The following ETV1 variants were observed in gnomAD, a reference collection of about 807,000 sequenced individuals.
ETV1 encodes the protein ETS translocation variant 1.
ETV1 carries 27 observed loss-of-function variants against 62.3 expected under a neutral mutation model. The observed-to-expected ratio is 0.43, with a 90% CI of 0.32 to 0.60. The LOEUF (loss-of-function observed/expected upper bound fraction) is 0.60, where lower values mean the gene tolerates loss of function less well. ETV1 is among the 20% of genes least tolerant of loss of function. The pLI is 0.06. For synonymous variants in ETV1, 222 were observed against 199.6 expected (o/e 1.11, Z -0.94); for missense variants, 605 against 605.8 (o/e 1.00, Z 0.01).
At chr7:13,910,349 T>C (rs758716136) in intron 10 of ETV1, among the ~76,000 whole-genome samples, 1 of 151,912 alleles carries the variant, frequency 6.6e-6, no homozygotes, top group Non-Finnish European at 1.5e-5. Flanking sequence ...TCGTTGTTGC[T>C]ATCTGTGATT....
At chr7:13,913,857 T>C (rs2128423496) in intron 9 of ETV1, among the ~76,000 whole-genome samples, 1 of 151,316 alleles carries the variant, frequency 6.6e-6, no homozygotes, top group African/African-American at 2.4e-5. Context: ...CAGTAGATGC[T>C]TTAACTATTT....
At chr7:13,903,644 T>G (rs1424311547) in intron 12 of ETV1, among the ~76,000 whole-genome samples, 2 of 150,680 alleles carry the variant, frequency 1.3e-5, no homozygotes, top group Non-Finnish European at 2.9e-5. Context: ...ACACCTGAAG[T>G]CCCAGCTACT....
chr7:13,917,217 T>C (rs1444229534), intron 9 of ETV1, among the ~76,000 whole-genome samples: 2 of 152,158 alleles, frequency 1.3e-5, no homozygotes, highest in Non-Finnish European at 2.9e-5. Flanking sequence ...AAGCCTGTGA[T>C]AGTCTTACTA....
chr7:13,918,182 T>C (rs1784404651), intron 9 of ETV1, among the ~76,000 whole-genome samples: 1 of 137,752 alleles, frequency 7.3e-6, no homozygotes, highest in Non-Finnish European at 1.6e-5. Context: ...TTCAGATAAC[T>C]TTTTCTATTT....
In ETV1 at chr7:13,925,846, G is replaced by A. The variant is rs531434852; in HGVS notation, c.802+5656C>T. Among the ~76,000 whole-genome samples the A allele has an allele frequency of 5.9e-5, 9 of 151,882 alleles. No homozygotes were observed. In the South Asian group the frequency reaches 1.2e-3, roughly 21 times the overall value. ...GCTGGGATTACAGGCATGAGCCACC[G>A]CGCCTGGCCCGACTGATTTTTTTTT... is the stretch of plus-strand genomic sequence containing the variant. On this transcript the variant is annotated intron_variant, in intron 9 of 13. Transcript: ENST00000430479.
chr7:13,966,354 C>T (rs1307639687), intron 6 of ETV1, among the ~76,000 whole-genome samples: 6 of 151,962 alleles, frequency 3.9e-5, no homozygotes, highest in Non-Finnish European at 5.9e-5. Context: ...AAATTAAGTC[C>T]GGGTGTGGTG....
At chr7:13,900,698 C>A in intron 13 of ETV1, 40 bp downstream of exon 13, 1 of 1,355,282 alleles carries the variant, frequency 7.4e-7, no homozygotes. Context: ...GATTAATGTG[C>A]AACATTTCAA....
chr7:13,950,501 G>A (rs1330111465), intron 6 of ETV1, among the ~76,000 whole-genome samples: 1 of 152,144 alleles, frequency 6.6e-6, no homozygotes, highest in East Asian at 1.9e-4. Context: ...CCCCGGAAGT[G>A]ATCAGGTGTC....
chr7:13,968,230 A>G (rs1780507299), intron 6 of ETV1, among the ~76,000 whole-genome samples: 1 of 151,952 alleles, frequency 6.6e-6, no homozygotes, highest in African/African-American at 2.4e-5. Flanking sequence ...AATTTCTACA[A>G]TATATTGTTA....
At chr7:13,980,705 C>T (rs1781893599) in intron 5 of ETV1, among the ~76,000 whole-genome samples, 1 of 152,034 alleles carries the variant, frequency 6.6e-6, no homozygotes, top group Non-Finnish European at 1.5e-5. Flanking sequence ...GCCATCAAGT[C>T]TCAGGATGTC....
Position 13,986,665 on chromosome 7 carries a change from G to T in ETV1, c.154C>A (p.Gln52Lys). ...DSEELFQDLSQLQETWLAEAQ... is the reference protein window; with the variant it reads ...DSEELFQDLSKLQETWLAEAQ... Reference sequence around the variant, plus strand: ...TCTGCAAGCCATGTTTCCTGTAATTGACTTAGATCTTGAAAGAGTTCTAAA... The same window carrying T: ...TCTGCAAGCCATGTTTCCTGTAATTTACTTAGATCTTGAAAGAGTTCTAAA... Residue 52 changes from glutamine (Q) to lysine (K), a missense_variant, in exon 5 of 14, where the codon CAA becomes AAA. Transcript: ENST00000430479. 6.2e-7 allele frequency: 1 copy of T among 1,611,404 alleles called. No individual in the cohort carries two copies. Among genetic ancestry groups the T allele is most frequent in the South Asian group, 1.1e-5 (1 of 90,376 alleles).
intron 7 of ETV1, among the ~76,000 whole-genome samples, chr7:13,936,325 T>A (rs1205622392): frequency 6.6e-6 from 1 of 152,212 alleles, no homozygotes; most frequent in Non-Finnish European, 1.5e-5. Context: ...TAACATCAGC[T>A]TAATAAGGCA....
chr7:13,936,817 G>T (rs2128457077), intron 7 of ETV1, among the ~76,000 whole-genome samples: 1 of 152,178 alleles, frequency 6.6e-6, no homozygotes. Flanking sequence ...GAGGTGGGAG[G>T]ATCGCTTAAG....
chr7:13,902,626 C>T (rs1349778595), intron 12 of ETV1, among the ~76,000 whole-genome samples: 2 of 152,032 alleles, frequency 1.3e-5, no homozygotes, highest in African/African-American at 2.4e-5. Context: ...GGCATAGCAG[C>T]CGAACTATAT....
chr7:13,945,455 T>C (rs76699868), intron 6 of ETV1, among the ~76,000 whole-genome samples: 1 of 149,626 alleles, frequency 6.7e-6, no homozygotes, highest in Non-Finnish European at 1.5e-5. Flanking sequence ...TTTTTTTTTT[T>C]CTAATCATAA....
intron 9 of ETV1, among the ~76,000 whole-genome samples, chr7:13,914,506 G>A (rs1214805489): frequency 5.9e-5 from 9 of 151,320 alleles, no homozygotes; most frequent in African/African-American, 1.9e-4. Context: ...TCAATGTAGC[G>A]GAAGTTAAGA....
intron 12 of ETV1, among the ~76,000 whole-genome samples, chr7:13,903,679 C>T (rs1782667480): frequency 6.7e-6 from 1 of 150,104 alleles, no homozygotes; most frequent in African/African-American, 2.5e-5. Context: ...AGGAGAATCA[C>T]TTGAACCCGG....
intron 6 of ETV1, among the ~76,000 whole-genome samples, chr7:13,965,219 T>C (rs1182624537): frequency 1.3e-5 from 2 of 152,140 alleles, no homozygotes; most frequent in East Asian, 1.9e-4. Flanking sequence ...GAGAAAATAT[T>C]TGAGGCAGAG....
chr7:13,986,277 C>T, intron 5 of ETV1: 1 of 1,511,496 alleles, frequency 6.6e-7, no homozygotes, highest in Non-Finnish European at 8.8e-7. Context: ...AAACAGCAAG[C>T]CAGCCGGGTT....
Sources: gnomAD v4.1 joint callset for allele counts (sites outside exome capture counted in the v4.1 genomes callset) on GRCh38, gnomAD v4.1.1 for gene constraint, MANE v1.5 for transcripts, NCBI Gene and HGNC (gene_info 2026-07-23, HGNC 2026-07-21) for gene names.